SNX30: variants seen among roughly 807,000 people sequenced by gnomAD.
SNX30 encodes the protein sorting nexin family member 30, also known as sorting nexin-30.
SNX30 carries 24 observed loss-of-function variants against 46.4 expected under a neutral mutation model. The observed-to-expected ratio is 0.52, with a 90% CI of 0.37 to 0.73. The LOEUF (loss-of-function observed/expected upper bound fraction) is 0.73, where lower values mean the gene tolerates loss of function less well. Ranked by LOEUF, SNX30 falls within the 30% of genes least tolerant of loss-of-function variation. The probability of loss-of-function intolerance (pLI) is 0.00; values close to 1 mark genes in which losing one functional copy is unlikely to be tolerated. For missense variants in SNX30, 533 were observed against 555.7 expected, an observed-to-expected ratio of 0.96 and a Z score of 0.41; for synonymous variants, 189 against 211.5, an observed-to-expected ratio of 0.89 and a Z score of 0.92.
intron 6 of SNX30, among the ~76,000 whole-genome samples, chr9:112,840,197 C>G (rs1840833026): frequency 6.6e-6 from 1 of 152,170 alleles, no homozygotes; most frequent in Non-Finnish European, 1.5e-5. Flanking sequence ...TTTGAATTTC[C>G]TTATCTATAA....
At chr9:112,795,651 C>T (rs1479902729) in intron 1 of SNX30, among the ~76,000 whole-genome samples, 2 of 151,878 alleles carry the variant, frequency 1.3e-5, no homozygotes, top group African/African-American at 4.8e-5. Flanking sequence ...GTGGGCTGTT[C>T]CTGGAAGGTT....
At chr9:112,883,543 A>G (rs540003564), downstream of SNX30, among the ~76,000 whole-genome samples, 7 of 152,228 alleles carry the variant, frequency 4.6e-5, no homozygotes, top group Non-Finnish European at 7.4e-5. Context: ...GAAATAAAGT[A>G]GTGCCTGGCA....
chr9:112,834,843 A>AACACACACACACACACACACACACAC (rs79118828), intron 4 of SNX30, among the ~76,000 whole-genome samples: 3 of 78,318 alleles, frequency 3.8e-5, no homozygotes, highest in Admixed American at 1.2e-4. Context: ...CACACACACA[A>AACACACACACACACACACACACACAC]ACACACACAC....
intron 2 of SNX30, among the ~76,000 whole-genome samples, chr9:112,816,220 A>G (rs1840393984): frequency 6.6e-6 from 1 of 152,216 alleles, no homozygotes; most frequent in South Asian, 2.1e-4. Context: ...TAGGGATGCA[A>G]GAACTGCATA....
chr9:112,770,463 G>A (rs977005769), intron 1 of SNX30, among the ~76,000 whole-genome samples: 20 of 151,894 alleles, frequency 1.3e-4, no homozygotes, highest in South Asian at 2.1e-4. Flanking sequence ...GAGCCACCGC[G>A]CCTGGCCTCT....
chr9:112,755,865 C>A (rs991474759), intron 1 of SNX30, among the ~76,000 whole-genome samples: 1 of 152,022 alleles, frequency 6.6e-6, no homozygotes, highest in Non-Finnish European at 1.5e-5. Flanking sequence ...CCAGCTCCAG[C>A]AGAAGGAGAG....
At chr9:112,798,224 C>G (rs371214534) in intron 1 of SNX30, among the ~76,000 whole-genome samples, 5,973 of 89,146 alleles carry the variant, frequency 0.067, 260 homozygotes, top group Non-Finnish European at 0.09. Flanking sequence ...GTGCACTGCA[C>G]CCACTAATGT....
At position 112,795,304 on chromosome 9, in the gene SNX30, G is replaced by A. The variant is rs552198293; in HGVS notation, c.157-9472G>A. Among the ~76,000 whole-genome samples the A allele has an allele frequency of 2.2e-3, 334 of 152,184 alleles. 2 individuals carry two copies. Among genetic ancestry groups the A allele is most frequent in the Non-Finnish European group, 3.4e-3 (234 of 67,992 alleles). On this transcript the variant is annotated intron_variant, in intron 1 of 8. Coordinates refer to ENST00000374232, the MANE Select transcript of SNX30 (RefSeq NM_001012994.2). ...TACCCATTTTATAAATGAGGACATC[G>A]GGGCTTAGATTAAGAAGCTTGCTTA...
rs961124618 is a variant in SNX30 at position 112,838,504 on chromosome 9, T to G, written c.821T>G (p.Leu274Arg). 1.2e-6 allele frequency: 2 copies of G among 1,611,130 alleles called. No individual in the cohort carries two copies. The highest frequency in any genetic ancestry group is 2.7e-5 in the African/African-American group (2 of 74,872). The change falls in exon 6 of 9, where the codon CTT becomes CGT. Residue 274 changes from leucine (L) to arginine (R), a missense_variant. By Grantham distance (102) the Leu-to-Arg change is moderately radical. This residue lies in a region of SNX30 where 261 missense variants were observed against 270.9 expected (regional missense o/e 0.96). Transcript: ENST00000374232. ...GTTTCTGTTCCCTGTTCAGAGTACC[T>G]TGTGGAGCTGAGAGAATACGGGCCT... Reference protein sequence around the residue: ...QRIIKEEIEYLVELREYGPVY... With the variant: ...QRIIKEEIEYRVELREYGPVY...
intron 5 of SNX30, among the ~76,000 whole-genome samples, chr9:112,880,654 C>G (rs1564303287): frequency 6.6e-6 from 1 of 152,188 alleles, no homozygotes; most frequent in Non-Finnish European, 1.5e-5. Context: ...TCGTTAAACA[C>G]TTTTTTCTGC....
Position 112,777,191 on chromosome 9 carries a change from G to A in SNX30, c.156+26034G>A, listed in dbSNP as rs4979147. Among the ~76,000 whole-genome samples, 522 of 152,070 alleles carry A rather than the reference G, an allele frequency of 3.4e-3. 10 individuals are homozygous for A. The highest frequency in any genetic ancestry group is 0.03 in the Admixed American group (456 of 15,268). ...AATTCCTCAAAATTTCTTATTGATT[G>A]ATGGCATCCGTTCCTGTTTTCTGGC... On this transcript the variant is annotated intron_variant, in intron 1 of 8. Coordinates refer to ENST00000374232, the MANE Select transcript of SNX30 (RefSeq NM_001012994.2).
At chr9:112,795,789 A>ACACACACACG (rs1564272330) in intron 1 of SNX30, among the ~76,000 whole-genome samples, 6 of 151,840 alleles carry the variant, frequency 4.0e-5, no homozygotes, top group Admixed American at 1.3e-4. Context: ...ACACACACAC[A>ACACACACACG]CACACACGCA....
At chr9:112,881,139 T>A (rs1274489976) in intron 5 of SNX30, among the ~76,000 whole-genome samples, 1 of 152,230 alleles carries the variant, frequency 6.6e-6, no homozygotes, top group Non-Finnish European at 1.5e-5. Context: ...CAATTAGGTC[T>A]GAACTGAAGT....
chr9:112,760,471 C>G (rs1334158265), intron 1 of SNX30, among the ~76,000 whole-genome samples: 2 of 152,112 alleles, frequency 1.3e-5, no homozygotes, highest in Non-Finnish European at 2.9e-5. Context: ...GGCAGTCTTT[C>G]CTGAGATTTA....
chr9:112,778,068 A>T (rs1243203998), intron 1 of SNX30, among the ~76,000 whole-genome samples: 2 of 152,058 alleles, frequency 1.3e-5, no homozygotes, highest in African/African-American at 4.8e-5. Context: ...CTGGTTGCCT[A>T]AGGTGACTCA....
chr9:112,883,700 C>CTT (rs71384287), downstream of SNX30, among the ~76,000 whole-genome samples: 1,485 of 121,306 alleles, frequency 0.012, 28 homozygotes, highest in African/African-American at 0.042. Context: ...TTTTTCTTTT[C>CTT]TTTTTTTTTT....
intron 1 of SNX30, among the ~76,000 whole-genome samples, chr9:112,797,833 C>T (rs889584407): frequency 6.7e-6 from 1 of 150,340 alleles, no homozygotes; most frequent in African/African-American, 2.4e-5. Context: ...GCCTCAGCCC[C>T]CCGAGTAGGC....
chr9:112,862,044 C>G (rs888440695), intron 7 of SNX30, among the ~76,000 whole-genome samples: 7 of 152,206 alleles, frequency 4.6e-5, no homozygotes, highest in African/African-American at 1.7e-4. Context: ...TTTTGTATTC[C>G]TCAGTGCCAA....
At chr9:112,764,687 G>A (rs572915319) in intron 1 of SNX30, among the ~76,000 whole-genome samples, 1 of 152,304 alleles carries the variant, frequency 6.6e-6, no homozygotes, top group Non-Finnish European at 1.5e-5. Context: ...GCAGTGGGAG[G>A]TTGGGGGAGG....
Sources: gnomAD v4.1 joint callset for allele counts (sites outside exome capture counted in the v4.1 genomes callset) on GRCh38, gnomAD v4.1.1 for gene constraint, gnomAD v4.1.1 regional missense constraint, MANE v1.5 for transcripts, NCBI Gene and HGNC (gene_info 2026-07-23, HGNC 2026-07-21) for gene names.